The following FRYL variants were observed in gnomAD, a reference collection of about 807,000 sequenced individuals.
The protein encoded by FRYL is protein furry homolog-like.
A neutral mutation model predicts 351.2 loss-of-function variants in FRYL; 150 were observed. The observed-to-expected ratio is 0.43, with a 90% CI of 0.37 to 0.49. The LOEUF (loss-of-function observed/expected upper bound fraction) is 0.49. Among genes scored for constraint, FRYL ranks in the 20% least tolerant of loss-of-function variants. The probability of loss-of-function intolerance (pLI) is 0.00; values close to 1 mark genes in which losing one functional copy is unlikely to be tolerated. For missense variants in FRYL, 3,036 were observed against 3,619.3 expected (o/e 0.84, Z 4.13); for synonymous variants, 1,153 against 1,257.1 (o/e 0.92, Z 1.75).
At position 48,567,968 on chromosome 4, in the gene FRYL, A is replaced by C. The variant is rs1737186780; in HGVS notation, c.2997-548T>G. Among the ~76,000 whole-genome samples, 2 of 152,204 alleles carry C rather than the reference A, an allele frequency of 1.3e-5. No homozygotes were observed. Among genetic ancestry groups the C allele is most frequent in the African/African-American group, 4.8e-5 (2 of 41,464 alleles). On this transcript the variant is annotated intron_variant, in intron 27 of 63. Transcript: ENST00000358350. This position sits in a 1 kb window ranked among gnomAD's most constrained non-coding sequence, Gnocchi z 4.2. ...TTTCTATACCTATGAAATTGCCTTTAAGAATATCTGCAATGTGCTGGGCGC... is the reference window on the plus strand; with the variant it reads ...TTTCTATACCTATGAAATTGCCTTTCAGAATATCTGCAATGTGCTGGGCGC...
chr4:48,631,980 G>A (rs1366661176), intron 4 of FRYL, among the ~76,000 whole-genome samples: 1 of 140,492 alleles, frequency 7.1e-6, no homozygotes, highest in Non-Finnish European at 1.5e-5. Context: ...CTGAACCTGG[G>A]AGGTGAAGGT....
intron 26 of FRYL, 95 bp from the exon 27 acceptor site, chr4:48,571,013 G>A: frequency 1.1e-6 from 1 of 924,436 alleles, no homozygotes; most frequent in Non-Finnish European, 1.7e-6. Flanking sequence ...TGGGCTCATT[G>A]AAGTTATTTT....
intron 1 of FRYL, among the ~76,000 whole-genome samples, chr4:48,747,566 AAAAAT>A (rs1393145406): frequency 6.6e-6 from 1 of 152,254 alleles, no homozygotes; most frequent in Non-Finnish European, 1.5e-5. Context: ...TAACTTGAGG[AAAAAT>A]AAAATAAAAC....
chr4:48,582,009 T>C (rs776017349), intron 20 of FRYL, among the ~76,000 whole-genome samples: 3 of 152,174 alleles, frequency 2.0e-5, no homozygotes, highest in Non-Finnish European at 2.9e-5. Flanking sequence ...TGCATGCTCA[T>C]TAAAGGTTGA....
intron 2 of FRYL, among the ~76,000 whole-genome samples, chr4:48,696,907 G>A (rs1231454279): frequency 6.7e-6 from 1 of 150,222 alleles, no homozygotes; most frequent in African/African-American, 2.5e-5. Context: ...ACTTTCACAA[G>A]TCAACCATGA....
intron 1 of FRYL, among the ~76,000 whole-genome samples, chr4:48,756,232 C>CA (rs1228377900): frequency 0.044 from 4,249 of 96,862 alleles, 192 homozygotes; most frequent in African/African-American, 0.15. Flanking sequence ...GACTTTGTCT[C>CA]AAAAAAAAAA....
At chr4:48,721,567 AC>A (rs1169819724) in intron 1 of FRYL, among the ~76,000 whole-genome samples, 1 of 152,182 alleles carries the variant, frequency 6.6e-6, no homozygotes, top group Non-Finnish European at 1.5e-5. Context: ...CATTTTTACA[AC>A]AAAATTGTGT....
chr4:48,546,337 T>A, intron 41 of FRYL, 66 bp from the exon 42 acceptor site: 2 of 1,260,806 alleles, frequency 1.6e-6, no homozygotes, highest in Non-Finnish European at 2.3e-6. Context: ...CCTATAGAAT[T>A]AAACTGTTGT....
chr4:48,559,557 G>C (rs1300295848), intron 33 of FRYL, among the ~76,000 whole-genome samples: 5 of 90,880 alleles, frequency 5.5e-5, no homozygotes, highest in Non-Finnish European at 1.1e-4. Flanking sequence ...AAAAAGCCAG[G>C]TGTGGTGCCG....
rs898079123 is a variant in FRYL at position 48,499,207 on chromosome 4, C to T, written c.*215G>A. On this transcript the variant is annotated 3_prime_UTR_variant, in exon 64 of 64. Transcript: ENST00000358350. ...TTAAGTAATTAAAAAATTCCTTCTT[C>T]ACGCAGTTATTGTGGGAGATATTGG... The T allele has an allele frequency of 3.9e-6, 2 of 514,256 alleles. No individual in the cohort carries two copies. Among genetic ancestry groups the T allele is most frequent in the African/African-American group, 3.8e-5 (2 of 52,072 alleles). 31.9% of individuals were successfully genotyped at this position (514,256 alleles called of 1,614,324 possible). A position where few individuals can be genotyped will look rare whatever the true frequency, so the allele number is the denominator to read the frequency against.
chr4:48,540,323 A>G (rs1690519943), intron 46 of FRYL, 30 bp downstream of exon 46: 1 of 1,584,810 alleles, frequency 6.3e-7, no homozygotes, highest in Non-Finnish European at 8.6e-7. Context: ...CATAAAATGC[A>G]AAGTGCTGGT....
intron 29 of FRYL, 30 bp downstream of exon 29, chr4:48,565,501 A>G: frequency 6.6e-7 from 1 of 1,511,902 alleles, no homozygotes; most frequent in Non-Finnish European, 8.9e-7. Context: ...TGCTCTTAAG[A>G]AAAAAGAAAT....
chr4:48,702,455 CAAAAAAAAAAAAAAAAAAAAAAAAA>C (rs34675617), intron 2 of FRYL, among the ~76,000 whole-genome samples: 20 of 29,450 alleles, frequency 6.8e-4, no homozygotes, highest in East Asian at 3.9e-3. Flanking sequence ...GACTCTGTCT[CAAAAAAAAAAAAAAAAAAAAAAAAA>C]AAAAAAAAAA....
intron 1 of FRYL, among the ~76,000 whole-genome samples, chr4:48,775,455 G>A (rs1419870196): frequency 2.0e-5 from 3 of 152,042 alleles, no homozygotes; most frequent in African/African-American, 4.8e-5. Context: ...TGATTAGGCC[G>A]CCTGGCTGCT....
In FRYL at chr4:48,609,865, GTTTT is replaced by G. The variant is rs771777670; in HGVS notation, c.412-46_412-43del. 61 of 1,065,438 alleles carry G rather than the reference GTTTT, an allele frequency of 5.7e-5. No individual in the cohort carries two copies. The African/African-American group carries it at 8.2e-4, about 14-fold the overall frequency. 66.0% of individuals were successfully genotyped at this position (1,065,438 alleles called of 1,614,324 possible). ...TTATCAAGTAAGAGTTAAATTATTG[GTTTT>G]TTATGAGTATTCTCATCAATTCAAC... On this transcript the variant is annotated intron_variant, in intron 7 of 63. Transcript: ENST00000358350.
chr4:48,575,130 G>C lies in FRYL; in HGVS notation c.2833C>G (p.Pro945Ala). 1 of 1,613,356 alleles carries C rather than the reference G, an allele frequency of 6.2e-7. No homozygotes were observed. The change falls in exon 25 of 64, where the codon CCA becomes GCA. Residue 945 changes from proline (P) to alanine (A), a missense_variant. Pro to Ala is a conservative substitution (Grantham distance 27, BLOSUM62 -1). This residue lies in a region of FRYL where 492 missense variants were observed against 551.5 expected (regional missense o/e 0.89). Coordinates refer to ENST00000358350, the MANE Select transcript of FRYL (RefSeq NM_015030.2). ...SLVLGLGRTN[P>A]GAFRELIEEL... Reference sequence around the variant, plus strand: ...GAACATAGTTACCTAAAAGCTCCTGGGTTGGTCCTGCCAAGACCTAGAACA... The same window carrying C: ...GAACATAGTTACCTAAAAGCTCCTGCGTTGGTCCTGCCAAGACCTAGAACA...
At position 48,669,293 on chromosome 4, in the gene FRYL, G is replaced by A. The variant is rs546026984; in HGVS notation, c.-81+15380C>T. Among the ~76,000 whole-genome samples, 10 of 152,284 alleles carry A rather than the reference G, an allele frequency of 6.6e-5. No homozygotes were observed. The South Asian group carries it at 8.3e-4, about 13-fold the overall frequency. On this transcript the variant is annotated intron_variant, in intron 3 of 63. Coordinates refer to ENST00000358350, the MANE Select transcript of FRYL (RefSeq NM_015030.2). Reference sequence around the variant, plus strand: ...CAGCAACTGAACAATTAGAGCAGGTGCAGCCTCAGAGTGGAGCTGAGTTCT... The same window carrying A: ...CAGCAACTGAACAATTAGAGCAGGTACAGCCTCAGAGTGGAGCTGAGTTCT...
At chr4:48,610,676 T>C (rs1448762441) in intron 7 of FRYL, among the ~76,000 whole-genome samples, 2 of 146,460 alleles carry the variant, frequency 1.4e-5, no homozygotes, top group Non-Finnish European at 3.0e-5. Context: ...ACATATATTA[T>C]ATTATATATT....
Position 48,539,897 on chromosome 4 carries a change from A to G in FRYL, c.6393+74T>C, listed in dbSNP as rs943847682. 8 of 1,091,078 alleles carry G rather than the reference A, an allele frequency of 7.3e-6. No homozygotes were observed. In the African/African-American group the frequency reaches 9.4e-5, roughly 13 times the overall value. 67.6% of individuals were successfully genotyped at this position (1,091,078 alleles called of 1,614,324 possible). ...GTGACAATAAAAGGAGTTTTAAGAG[A>G]TTTCCCCCTCCTTTAACATAGACTA... On this transcript the variant is annotated intron_variant, in intron 47 of 63. Coordinates refer to ENST00000358350, the MANE Select transcript of FRYL (RefSeq NM_015030.2).
Sources: gnomAD v4.1 joint callset for allele counts (sites outside exome capture counted in the v4.1 genomes callset) on GRCh38, gnomAD v4.1.1 for gene constraint, gnomAD v4.1.1 regional missense constraint, Gnocchi (gnomAD v3.1) non-coding constraint, MANE v1.5 for transcripts, NCBI Gene and HGNC (gene_info 2026-07-23, HGNC 2026-07-21) for gene names.